The following RIPOR3 variants were observed in gnomAD, a reference collection of about 807,000 sequenced individuals.
RIPOR3 encodes the protein family with sequence similarity 65 member C.
In RIPOR3, 95 loss-of-function variants were observed where a neutral mutation model predicts 114.3. The observed-to-expected ratio is 0.83, with a 90% CI of 0.70 to 0.99. RIPOR3 has a LOEUF of 0.99. Among genes scored for constraint, RIPOR3 ranks in the 50% least tolerant of loss-of-function variants. The pLI is 0.00. For missense variants in RIPOR3, 1,252 were observed against 1,266.9 expected, an observed-to-expected ratio of 0.99 and a Z score of 0.18; for synonymous variants, 575 against 543.8, an observed-to-expected ratio of 1.06 and a Z score of -0.80.
At chr20:50,676,884 G>A (rs1433511405) in intron 1 of RIPOR3, among the ~76,000 whole-genome samples, 1 of 150,844 alleles carries the variant, frequency 6.6e-6, no homozygotes, top group East Asian at 2.0e-4. Context: ...GATTACAGGT[G>A]TGAGCCACCC....
At chr20:50,684,580 C>T (rs9974003) in intron 1 of RIPOR3, among the ~76,000 whole-genome samples, 3,532 of 152,226 alleles carry the variant, frequency 0.023, 124 homozygotes, top group African/African-American at 0.08. Flanking sequence ...TTCATTTTAA[C>T]AGGACCCTGC....
chr20:50,680,849 C>G (rs1333440208), intron 1 of RIPOR3, among the ~76,000 whole-genome samples: 1 of 152,194 alleles, frequency 6.6e-6, no homozygotes, highest in Non-Finnish European at 1.5e-5. Context: ...CATTGATACC[C>G]CCTCAACTCC....
chr20:50,612,703 G>A lies in RIPOR3; in HGVS notation c.349-1499C>T, dbSNP rs968057679. Reference sequence around the variant, plus strand: ...GGGATGGGACACGGAAGATTGAATAGAGGAGGGCGTCAATCGAGAAAGAAA... The same window carrying A: ...GGGATGGGACACGGAAGATTGAATAAAGGAGGGCGTCAATCGAGAAAGAAA... On this transcript the variant is annotated intron_variant, in intron 4 of 21. Transcript: ENST00000327979. Among the ~76,000 whole-genome samples the A allele has an allele frequency of 2.0e-5, 3 of 152,084 alleles. No individual in the cohort carries two copies. The South Asian group carries it at 6.2e-4, about 32-fold the overall frequency.
At chr20:50,689,218 C>T (rs560153198) in intron 1 of RIPOR3, among the ~76,000 whole-genome samples, 64 of 148,486 alleles carry the variant, frequency 4.3e-4, no homozygotes, top group Non-Finnish European at 8.3e-4. Context: ...GTTCTGTTGG[C>T]CAGGCTGGAG....
At chr20:50,616,968 C>T (rs2123130566) in intron 3 of RIPOR3, among the ~76,000 whole-genome samples, 1 of 152,164 alleles carries the variant, frequency 6.6e-6, no homozygotes, top group East Asian at 1.9e-4. Flanking sequence ...CAGTGAAACC[C>T]CATCTCTCCT....
chr20:50,666,223 T>TTTTCTTTTCTTTTCTTTTCTTTCTTTTC lies in RIPOR3; in HGVS notation c.3+24902_3+24903insGAAAAGAAAGAAAAGAAAAGAAAAGAAA, dbSNP rs1555873441. Among the ~76,000 whole-genome samples, 2 of 105,010 alleles carry TTTTCTTTTCTTTTCTTTTCTTTCTTTTC rather than the reference T, an allele frequency of 1.9e-5. 1 individual carries two copies. The highest frequency in any genetic ancestry group is 6.0e-4 in the East Asian group (2 of 3,328). The allele number at this position is 105,010 out of a possible 152,430, so 68.9% of individuals were successfully genotyped here. A position where few individuals can be genotyped will look rare whatever the true frequency, so the allele number is the denominator to read the frequency against. On this transcript the variant is annotated intron_variant, in intron 1 of 21. Transcript: ENST00000327979. ...TTTTCTTTTCTTTTCTTTTCTTTTCTTTTTTGAGACGGAGTCACGCTCTGT... is the reference window on the plus strand; with the variant it reads ...TTTTCTTTTCTTTTCTTTTCTTTTCTTTTCTTTTCTTTTCTTTTCTTTCTTTTCTTTTTGAGACGGAGTCACGCTCTGT...
intron 1 of RIPOR3, among the ~76,000 whole-genome samples, chr20:50,635,379 C>A (rs1421346439): frequency 6.6e-6 from 1 of 152,166 alleles, no homozygotes. Flanking sequence ...TCATGCCAGG[C>A]GTGGCGACTC....
intron 1 of RIPOR3, among the ~76,000 whole-genome samples, chr20:50,634,202 G>A (rs932904959): frequency 6.6e-6 from 1 of 151,812 alleles, no homozygotes; most frequent in African/African-American, 2.4e-5. Flanking sequence ...GGCTGTTCTC[G>A]AACTCCTGAG....
intron 1 of RIPOR3, among the ~76,000 whole-genome samples, chr20:50,665,421 CTT>C (rs11471486): frequency 1.9e-5 from 2 of 107,852 alleles, no homozygotes; most frequent in Non-Finnish European, 1.8e-5. Flanking sequence ...CCCCCTCTTC[CTT>C]TTTTTTTTTT....
chr20:50,676,713 A>G (rs934585859), intron 1 of RIPOR3, among the ~76,000 whole-genome samples: 1 of 151,626 alleles, frequency 6.6e-6, no homozygotes, highest in African/African-American at 2.4e-5. Context: ...TATTCTCCCT[A>G]AGGGCTCCAC....
intron 1 of RIPOR3, among the ~76,000 whole-genome samples, chr20:50,648,847 G>C (rs939111118): frequency 3.3e-5 from 5 of 152,144 alleles, no homozygotes; most frequent in African/African-American, 1.2e-4. Context: ...AAGCAATGGG[G>C]AGTGGTTCTA....
chr20:50,593,323 A>T, intron 17 of RIPOR3, 127 bp from the exon 18 acceptor site: 1 of 1,085,396 alleles, frequency 9.2e-7, no homozygotes, highest in Non-Finnish European at 1.3e-6. Flanking sequence ...CTGTAACCCC[A>T]GCACTTTGGG....
intron 15 of RIPOR3, among the ~76,000 whole-genome samples, chr20:50,595,907 G>A (rs902496714): frequency 6.6e-6 from 1 of 152,194 alleles, no homozygotes; most frequent in Non-Finnish European, 1.5e-5. Flanking sequence ...CTATAAATGA[G>A]AGTCACCACC....
At chr20:50,613,963 AC>A (rs1388745032) in intron 4 of RIPOR3, among the ~76,000 whole-genome samples, 1 of 151,834 alleles carries the variant, frequency 6.6e-6, no homozygotes, top group African/African-American at 2.4e-5. Context: ...TACCCTGCCC[AC>A]CCCGAGGCCC....
chr20:50,610,105 TGCCTCACCTGCCACCCCG>T (rs1208651035), intron 6 of RIPOR3, among the ~76,000 whole-genome samples: 32 of 76,308 alleles, frequency 4.2e-4, no homozygotes, highest in Admixed American at 6.5e-4. Flanking sequence ...CTGCCACCCC[TGCCTCACCTGCCACCCCG>T]GCCTCACCTG....
intron 1 of RIPOR3, among the ~76,000 whole-genome samples, chr20:50,687,151 G>A (rs1331363308): frequency 6.6e-6 from 1 of 152,238 alleles, no homozygotes; most frequent in Non-Finnish European, 1.5e-5. Context: ...ATCGGGAGCC[G>A]CTGCGGACAG....
chr20:50,682,612 A>ATGTGTGTGTGTGTGTGTG (rs71190593), intron 1 of RIPOR3, among the ~76,000 whole-genome samples: 27,878 of 146,758 alleles, frequency 0.19, 2,894 homozygotes, highest in South Asian at 0.3. Context: ...GTCTCAAAAT[A>ATGTGTGTGTGTGTGTGTG]TGTGTGTGTG....
rs554095693 is a variant in RIPOR3, at chr20:50,586,839, C to A, written c.*393G>T. ...GCAGAAGTGCCGAGCAGCTGACCGG[C>A]AGCGAGGCCTGGAGTTCTACACACT... On this transcript the variant is annotated 3_prime_UTR_variant, in exon 22 of 22. Transcript: ENST00000327979. 8.4e-4 allele frequency: 147 copies of A among 174,396 alleles called. 2 individuals are homozygous for A. The highest frequency in any genetic ancestry group is 3.4e-3 in the African/African-American group (144 of 42,118). The allele number at this position is 174,396 out of a possible 1,614,324, so 10.8% of individuals were successfully genotyped here.
chr20:50,620,550 C>A (rs752404288), intron 2 of RIPOR3, among the ~76,000 whole-genome samples: 12 of 152,004 alleles, frequency 7.9e-5, no homozygotes, highest in Admixed American at 1.3e-4. Flanking sequence ...TCGCTTGAAC[C>A]CGGGAGGTGG....
Sources: allele counts gnomAD v4.1 joint callset (sites outside exome capture counted in the v4.1 genomes callset), GRCh38; gene constraint gnomAD v4.1.1; transcripts MANE v1.5; gene names NCBI Gene and HGNC (gene_info 2026-07-23, HGNC 2026-07-21).